PRKN: variants seen among roughly 807,000 people sequenced by gnomAD.
The protein encoded by PRKN is parkin RBR E3 ubiquitin protein ligase.
In PRKN, 56 loss-of-function variants were observed where a neutral mutation model predicts 59.5. The observed-to-expected ratio is 0.94, with a 90% CI of 0.76 to 1.18. The LOEUF (loss-of-function observed/expected upper bound fraction) is 1.18. Ranked by LOEUF, PRKN falls within the 50% of genes most tolerant of loss-of-function variation. The probability of loss-of-function intolerance (pLI) is 0.00; values close to 1 mark genes in which losing one functional copy is unlikely to be tolerated. For synonymous variants in PRKN, 250 were observed against 222.1 expected (o/e 1.13, Z -1.12); for missense variants, 657 against 596.4 (o/e 1.10, Z -1.06).
chr6:162,321,920 T>C (rs1373345297), intron 2 of PRKN, among the ~76,000 whole-genome samples: 1 of 152,014 alleles, frequency 6.6e-6, no homozygotes. Flanking sequence ...AAAGATTGTC[T>C]ACTTTCCCTC....
At chr6:161,364,823 C>T (rs772028415) in intron 10 of PRKN, among the ~76,000 whole-genome samples, 5 of 151,332 alleles carry the variant, frequency 3.3e-5, no homozygotes, top group Non-Finnish European at 5.9e-5. Context: ...CCACACTACT[C>T]GAAAGGCTGA....
intron 9 of PRKN, among the ~76,000 whole-genome samples, chr6:161,443,132 A>C (rs1789322114): frequency 6.6e-6 from 1 of 151,432 alleles, no homozygotes; most frequent in African/African-American, 2.4e-5. Flanking sequence ...ACATGGAAAA[A>C]CCCCATCTCT....
chr6:162,361,131 C>T (rs1785113968), intron 2 of PRKN, among the ~76,000 whole-genome samples: 2 of 152,060 alleles, frequency 1.3e-5, no homozygotes, highest in South Asian at 2.1e-4. Context: ...CCCTTCACCA[C>T]CCAGGAAACC....
chr6:161,633,463 T>C (rs1481898246), intron 7 of PRKN, among the ~76,000 whole-genome samples: 1 of 152,176 alleles, frequency 6.6e-6, no homozygotes, highest in Non-Finnish European at 1.5e-5. Flanking sequence ...CTTAATAGGG[T>C]TGGGATCTGT....
intron 7 of PRKN, among the ~76,000 whole-genome samples, chr6:161,785,008 G>A (rs936230579): frequency 3.9e-5 from 6 of 152,138 alleles, no homozygotes; most frequent in African/African-American, 1.2e-4. Context: ...AGGCAGACAC[G>A]AAAGGTCACC....
intron 1 of PRKN, chr6:162,568,794 G>A (rs10945846): frequency 0.34 from 249,641 of 735,324 alleles, 44,740 homozygotes; most frequent in East Asian, 0.51. Flanking sequence ...GCTGAAGCTA[G>A]AGGCAGAGCT....
intron 5 of PRKN, among the ~76,000 whole-genome samples, chr6:162,048,464 T>G (rs1018480123): frequency 6.6e-6 from 1 of 151,844 alleles, no homozygotes; most frequent in African/African-American, 2.4e-5. Context: ...TGGATGACAG[T>G]GGACCTCAGT....
chr6:162,673,850 G>A (rs568665646), intron 1 of PRKN, among the ~76,000 whole-genome samples: 58 of 152,324 alleles, frequency 3.8e-4, no homozygotes, highest in African/African-American at 1.4e-3. Context: ...CTGCAAGTGT[G>A]GCGGAAGGCG....
At chr6:161,521,393 T>C (rs1778819952) in intron 9 of PRKN, among the ~76,000 whole-genome samples, 1 of 152,238 alleles carries the variant, frequency 6.6e-6, no homozygotes, top group Non-Finnish European at 1.5e-5. Flanking sequence ...AATCCCATTG[T>C]GTTAAAGTTC....
At position 161,363,190 on chromosome 6, in the gene PRKN, C is replaced by G. The variant is rs192991036; in HGVS notation, c.1168-2985G>C. ...CTGGGGGGCAGAGGTTGCAGTGAGC[C>G]GAGATTTTGCCACTGCATTCCAGTC... On this transcript the variant is annotated intron_variant, in intron 10 of 11. Coordinates refer to ENST00000366898, the MANE Select transcript of PRKN (RefSeq NM_004562.3). The surrounding 1 kb of genome is among the most constrained non-coding windows in gnomAD (Gnocchi z 4.1). Among the ~76,000 whole-genome samples, 4 of 152,136 alleles carry G rather than the reference C, an allele frequency of 2.6e-5. No individual in the cohort carries two copies. Among genetic ancestry groups the G allele is most frequent in the Non-Finnish European group, 5.9e-5 (4 of 67,996 alleles).
chr6:162,149,888 G>A (rs7770536), intron 4 of PRKN, among the ~76,000 whole-genome samples: 1,532 of 152,286 alleles, frequency 0.01, 22 homozygotes, highest in African/African-American at 0.035. Flanking sequence ...TTCTAGAGGT[G>A]CAGCAGGATC....
rs7740230 is a variant in PRKN, at chr6:162,209,468, C to T, written c.413-8216G>A. 2.2e-3 allele frequency among the ~76,000 whole-genome samples: 327 copies of T among 152,084 alleles called. 1 individual carries two copies. Among genetic ancestry groups the T allele is most frequent in the African/African-American group, 7.1e-3 (296 of 41,490 alleles). On this transcript the variant is annotated intron_variant, in intron 3 of 11. Transcript: ENST00000366898. ...GTCAGAAAACAACAGATGCTGGAGACGATGTGGAGAAACAGGAACGCTTTT... is the reference window on the plus strand; with the variant it reads ...GTCAGAAAACAACAGATGCTGGAGATGATGTGGAGAAACAGGAACGCTTTT...
chr6:161,639,934 T>C (rs569512641), intron 7 of PRKN, among the ~76,000 whole-genome samples: 38 of 152,320 alleles, frequency 2.5e-4, no homozygotes, highest in Admixed American at 2.2e-3. Context: ...AGGCTGCTTC[T>C]AGTAAAATTC....
At chr6:162,696,422 T>C (rs967231190) in intron 1 of PRKN, among the ~76,000 whole-genome samples, 1 of 151,962 alleles carries the variant, frequency 6.6e-6, no homozygotes, top group Non-Finnish European at 1.5e-5. Flanking sequence ...TGTGTTCCTG[T>C]CCCCTTGACT....
intron 1 of PRKN, among the ~76,000 whole-genome samples, chr6:162,453,906 A>G (rs10945836): frequency 0.37 from 56,474 of 151,882 alleles, 10,744 homozygotes; most frequent in East Asian, 0.58. Flanking sequence ...TGTGTCTCCA[A>G]AAAAAAACGA....
At chr6:161,782,112 A>G (rs1790231500) in intron 7 of PRKN, among the ~76,000 whole-genome samples, 1 of 152,216 alleles carries the variant, frequency 6.6e-6, no homozygotes, top group Admixed American at 6.5e-5. Flanking sequence ...ACGGGTGCAC[A>G]CAAGTCTATT....
chr6:162,070,534 G>A (rs1244086579), intron 4 of PRKN, among the ~76,000 whole-genome samples: 1 of 152,096 alleles, frequency 6.6e-6, no homozygotes, highest in African/African-American at 2.4e-5. Flanking sequence ...CAGTGGGCTG[G>A]TGTTCTTAGT....
intron 5 of PRKN, among the ~76,000 whole-genome samples, chr6:162,014,178 G>T (rs1439850125): frequency 6.6e-6 from 1 of 152,118 alleles, no homozygotes; most frequent in Non-Finnish European, 1.5e-5. Context: ...AAAATCAGCA[G>T]ACATGCATAC....
rs1010991433 is a variant in PRKN at position 161,402,443 on chromosome 6, G to A, written c.1084-15566C>T. Among the ~76,000 whole-genome samples, 11 of 152,100 alleles carry A rather than the reference G, an allele frequency of 7.2e-5. No homozygotes were observed. Among genetic ancestry groups the A allele is most frequent in the African/African-American group, 1.2e-4 (5 of 41,386 alleles). ...ATAATGCGCGGATCTCAGGTGAGTC[G>A]AGGAAATGCCACAGACATTGCTGCC... On this transcript the variant is annotated intron_variant, in intron 9 of 11. Coordinates refer to ENST00000366898, the MANE Select transcript of PRKN (RefSeq NM_004562.3). This position sits in a 1 kb window ranked among gnomAD's most constrained non-coding sequence, Gnocchi z 4.5.
Sources: allele counts gnomAD v4.1 joint callset (sites outside exome capture counted in the v4.1 genomes callset), GRCh38; gene constraint gnomAD v4.1.1; non-coding constraint Gnocchi (gnomAD v3.1); transcripts MANE v1.5; gene names NCBI Gene and HGNC (gene_info 2026-07-23, HGNC 2026-07-21).